The following DNAJB11 variants were observed in gnomAD, a reference collection of about 807,000 sequenced individuals.
The protein encoded by DNAJB11 is DnaJ heat shock protein family (Hsp40) member B11.
In DNAJB11, 30 loss-of-function variants were observed where a neutral mutation model predicts 47.2. The observed-to-expected ratio is 0.64, with a 90% CI of 0.48 to 0.86. The LOEUF is 0.86. Ranked by LOEUF, DNAJB11 falls within the 40% of genes least tolerant of loss-of-function variation. DNAJB11 has a pLI of 0.00. For synonymous variants in DNAJB11, 151 were observed against 159.9 expected (o/e 0.94, Z 0.42); for missense variants, 357 against 440.2 (o/e 0.81, Z 1.69).
Position 186,582,029 on chromosome 3 carries a change from A to T in DNAJB11, c.634A>T (p.Ile212Leu). ...VNEERTLEVE[I>L]EPGVRDGMEY... ...TGAAGAACGAACGCTGGAAGTAGAA[A>T]TAGAGCCTGGGGTGAGAGACGGCAT... The change falls in exon 6 of 10, where the codon ATA (isoleucine) becomes TTA (leucine). Residue 212 changes from isoleucine (I) to leucine (L), a missense_variant. Coordinates refer to ENST00000265028, the MANE Select transcript of DNAJB11 (RefSeq NM_016306.6). 6.2e-7 allele frequency: 1 copy of T among 1,613,986 alleles called. No homozygotes were observed.
intron 2 of DNAJB11, among the ~76,000 whole-genome samples, chr3:186,573,031 A>G (rs1185634591): frequency 2.6e-5 from 4 of 152,212 alleles, no homozygotes; most frequent in East Asian, 1.9e-4. Context: ...CTGGGGATCA[A>G]AACACTCTCA....
chr3:186,582,050 G>C lies in DNAJB11; in HGVS notation c.655G>C (p.Gly219Arg). 1.9e-6 allele frequency: 3 copies of C among 1,613,562 alleles called. 1 individual carries two copies. The highest frequency in any genetic ancestry group is 1.6e-4 in the Middle Eastern group (1 of 6,062). The change falls in exon 6 of 10, where the codon GGC (glycine) becomes CGC (arginine). Residue 219 changes from glycine to arginine, a missense_variant. Coordinates refer to ENST00000265028, the MANE Select transcript of DNAJB11 (RefSeq NM_016306.6). The stretch of plus-strand genomic sequence containing the variant: ...AGAAATAGAGCCTGGGGTGAGAGAC[G>C]GCATGGAGTACCCCTTTATTGGAGA... ...EVEIEPGVRD[G>R]MEYPFIGEGE...
chr3:186,581,459 C>T lies in DNAJB11; in HGVS notation c.545C>T (p.Pro182Leu), dbSNP rs1715481874. The T allele has an allele frequency of 6.2e-7, 1 of 1,613,730 alleles. No homozygotes were observed. The highest frequency in any genetic ancestry group is 8.5e-7 in the Non-Finnish European group (1 of 1,179,954). ...RQEMRTTQLG[P>L]GRFQMTQEVV... is the part of the protein sequence containing the mutation. ...GAGATGCGGACCACCCAGCTGGGCC[C>T]TGGGCGCTTCCAAATGACCCAGGAG... Residue 182 changes from proline to leucine, a missense_variant, in exon 5 of 10, where the codon CCT (proline) becomes CTT (leucine). Coordinates refer to ENST00000265028, the MANE Select transcript of DNAJB11 (RefSeq NM_016306.6).
chr3:186,584,605 G>GTGTGTGTGTGTA lies in DNAJB11; in HGVS notation c.1012+27_1012+28insATGTGTGTGTGT, dbSNP rs1165871672. The GTGTGTGTGTGTA allele has an allele frequency of 2.0e-6, 3 of 1,501,466 alleles. No homozygotes were observed. Among genetic ancestry groups the GTGTGTGTGTGTA allele is most frequent in the Non-Finnish European group, 2.6e-6 (3 of 1,132,182 alleles). 93.0% of individuals were successfully genotyped at this position (1,501,466 alleles called of 1,614,324 possible). A position where few individuals can be genotyped will look rare whatever the true frequency, so the allele number is the denominator to read the frequency against. On this transcript the variant is annotated intron_variant, in intron 9 of 9. Transcript: ENST00000265028. ...GCGAGAGAAGGTATGGCATATTAGT[G>GTGTGTGTGTGTA]TGTGTGTGTGTGTGTGTTTGTGTGT... is the stretch of plus-strand genomic sequence containing the variant.
intron 7 of DNAJB11, 27 bp from the exon 8 acceptor site, chr3:186,583,838 A>G: frequency 1.3e-6 from 2 of 1,555,474 alleles, no homozygotes; most frequent in Non-Finnish European, 1.8e-6. Flanking sequence ...TTGGAAATTA[A>G]TGATTTTTAC....
chr3:186,576,231 A>G (rs753708300), intron 3 of DNAJB11, among the ~76,000 whole-genome samples: 7 of 152,218 alleles, frequency 4.6e-5, no homozygotes, highest in Non-Finnish European at 7.3e-5. Context: ...CCTACTTGCT[A>G]CCTTGCAATC....
rs538035482 is a variant in DNAJB11, at chr3:186,585,576, A to G, written c.*168A>G. 4.2e-5 allele frequency: 19 copies of G among 457,754 alleles called. No homozygotes were observed. In the South Asian group the frequency reaches 4.5e-4, roughly 11 times the overall value. The allele number at this position is 457,754 out of a possible 1,614,324, so 28.4% of individuals were successfully genotyped here. A position where few individuals can be genotyped will look rare whatever the true frequency, so the allele number is the denominator to read the frequency against. On this transcript the variant is annotated 3_prime_UTR_variant, in exon 10 of 10. Coordinates refer to ENST00000265028, the MANE Select transcript of DNAJB11 (RefSeq NM_016306.6). ...AATAAGAGGGCTTAAGAATTTGTCC[A>G]TTTGCATTCGGAAAAGAATGACCAG...
Position 186,581,406 on chromosome 3 carries a change from T to G in DNAJB11, c.492T>G (p.Pro164=). 6.2e-7 allele frequency: 1 copy of G among 1,613,936 alleles called. No homozygotes were observed. The highest frequency in any genetic ancestry group is 8.5e-7 in the Non-Finnish European group (1 of 1,179,978). ...ACAAACCTGTGGCAAGGCAGGCTCC[T>G]GGCAAACGGAAGTGCAATTGTCGGC... ...VRNKPVARQA[P]GKRKCNCRQE... is the part of the protein sequence containing the mutation. Residue 164 remains proline (P), a synonymous_variant, in exon 5 of 10, where the codon CCT becomes CCG. Transcript: ENST00000265028.
At chr3:186,581,837 T>C (rs1715496053) in intron 5 of DNAJB11, among the ~76,000 whole-genome samples, 158 bp from the exon 6 acceptor site, 1 of 152,186 alleles carries the variant, frequency 6.6e-6, no homozygotes, top group African/African-American at 2.4e-5. Flanking sequence ...TTTTAGCATA[T>C]AGAAGATGTA....
In DNAJB11 at chr3:186,582,762, C is replaced by G; in HGVS notation, c.729C>G (p.Ile243Met). ...DGEPGDLRFRIKVVKHPIFER... is the reference protein window; with the variant it reads ...DGEPGDLRFRMKVVKHPIFER... Reference sequence around the variant, plus strand: ...AGCCTGGAGATTTACGGTTCCGAATCAAAGTTGTCAAGTAAGTAATCTAAT... The same window carrying G: ...AGCCTGGAGATTTACGGTTCCGAATGAAAGTTGTCAAGTAAGTAATCTAAT... The change falls in exon 7 of 10, where the codon ATC (isoleucine) becomes ATG (methionine). Residue 243 changes from isoleucine (I) to methionine (M), a missense_variant. Transcript: ENST00000265028. 6.3e-7 allele frequency: 1 copy of G among 1,581,948 alleles called. No homozygotes were observed. Among genetic ancestry groups the G allele is most frequent in the East Asian group, 2.3e-5 (1 of 44,084 alleles).
chr3:186,571,032 T>TGGGGTGGGGGG, intron 1 of DNAJB11, 67 bp downstream of exon 1: 1 of 201,990 alleles, frequency 5.0e-6, no homozygotes, highest in Non-Finnish European at 1.0e-5. Flanking sequence ...TGGGAGGGGG[T>TGGGGTGGGGGG]GGGGGAAGTG....
At chr3:186,582,644 T>C in intron 6 of DNAJB11, 72 bp from the exon 7 acceptor site, 2 of 1,268,342 alleles carry the variant, frequency 1.6e-6, no homozygotes, top group East Asian at 2.5e-5. Flanking sequence ...TAAAAAAATG[T>C]ATCAGTTGCC....
At chr3:186,581,114 G>T (rs1474049517) in intron 4 of DNAJB11, 2 of 379,920 alleles carry the variant, frequency 5.3e-6, no homozygotes, top group African/African-American at 2.1e-5. Context: ...TTATTTTTCG[G>T]TTCTCTTGTT....
rs568821048 is a variant in DNAJB11, at chr3:186,581,359, T to C, written c.457-12T>C. ...ACAAGAGAGAAGCTGATGTTGTTTATGCACTTCCTAGGTAGTTAGAAACAA... is the reference window on the plus strand; with the variant it reads ...ACAAGAGAGAAGCTGATGTTGTTTACGCACTTCCTAGGTAGTTAGAAACAA... On this transcript the variant is annotated splice_polypyrimidine_tract_variant and intron_variant, in intron 4 of 9. Transcript: ENST00000265028. 3 of 1,613,246 alleles carry C rather than the reference T, an allele frequency of 1.9e-6. No individual in the cohort carries two copies. In the East Asian group the frequency reaches 6.7e-5, roughly 36 times the overall value.
chr3:186,578,680 G>A (rs901086228), intron 4 of DNAJB11: 5 of 152,120 alleles, frequency 3.3e-5, no homozygotes, highest in African/African-American at 1.2e-4. Context: ...TTCCTCTCTT[G>A]TGAAATGCCT....
Position 186,584,605 on chromosome 3 carries a change from G to A in DNAJB11, c.1012+16G>A, listed in dbSNP as rs754837057. On this transcript the variant is annotated intron_variant, in intron 9 of 9. Coordinates refer to ENST00000265028, the MANE Select transcript of DNAJB11 (RefSeq NM_016306.6). ...GCGAGAGAAGGTATGGCATATTAGT[G>A]TGTGTGTGTGTGTGTGTTTGTGTGT... is the stretch of plus-strand genomic sequence containing the variant. The A allele has an allele frequency of 6.7e-7, 1 of 1,501,466 alleles. No individual in the cohort carries two copies. The highest frequency in any genetic ancestry group is 2.5e-5 in the Admixed American group (1 of 40,482). 93.0% of individuals were successfully genotyped at this position (1,501,466 alleles called of 1,614,324 possible).
intron 4 of DNAJB11, chr3:186,578,259 T>G (rs959199099): frequency 1.3e-5 from 2 of 152,256 alleles, no homozygotes; most frequent in African/African-American, 4.8e-5. Context: ...CCCTTGTTGC[T>G]TATTGCTATA....
chr3:186,579,387 GT>G (rs1302898750), intron 4 of DNAJB11: 4 of 152,094 alleles, frequency 2.6e-5, no homozygotes, highest in African/African-American at 7.2e-5. Context: ...CATCTGCTGT[GT>G]TTTAATTTCA....
intron 2 of DNAJB11, among the ~76,000 whole-genome samples, chr3:186,575,370 T>TGCGCGCGCGCGCGC (rs1715248188): frequency 6.3e-5 from 3 of 47,694 alleles, no homozygotes; most frequent in African/African-American, 1.5e-4. Flanking sequence ...CGCGCGCGCG[T>TGCGCGCGCGCGCGC]GTGTGTGTGT....
Sources: allele counts gnomAD v4.1 joint callset (sites outside exome capture counted in the v4.1 genomes callset), GRCh38; gene constraint gnomAD v4.1.1; transcripts MANE v1.5; gene names NCBI Gene and HGNC (gene_info 2026-07-23, HGNC 2026-07-21).